The following KIAA0319 variants were observed in gnomAD, a reference collection of about 807,000 sequenced individuals.
The protein encoded by KIAA0319 is KIAA0319.
In KIAA0319, 83 loss-of-function variants were observed where a neutral mutation model predicts 108.4. That is an observed-to-expected ratio of 0.77 (90% CI 0.64 to 0.92). KIAA0319 has a LOEUF of 0.92. KIAA0319 is among the 40% of genes least tolerant of loss of function. The probability of loss-of-function intolerance (pLI) is 0.00; values close to 1 mark genes in which losing one functional copy is unlikely to be tolerated. For synonymous variants in KIAA0319, 484 were observed against 510.4 expected, an observed-to-expected ratio of 0.95 and a Z score of 0.70; for missense variants, 1,195 against 1,322.4, an observed-to-expected ratio of 0.90 and a Z score of 1.49.
Position 24,596,206 on chromosome 6 carries a change from G to A in KIAA0319, c.468C>T (p.Tyr156=), listed in dbSNP as rs1359530556. The change falls in exon 3 of 21, where the codon TAC becomes TAT. Residue 156 remains tyrosine, a synonymous_variant. Transcript: ENST00000378214. ...KDWGLEEMSE[Y]SDDYRELEKD... ...TCTCCAGCTCCCGGTAGTCATCTGA[G>A]TACTCAGACATCTCCTCTAGGCCCC... The A allele has an allele frequency of 1.2e-6, 2 of 1,614,148 alleles. No homozygotes were observed. The highest frequency in any genetic ancestry group is 1.7e-5 in the Admixed American group (1 of 60,026).
chr6:24,572,302 C>A (rs1401588136), intron 11 of KIAA0319, among the ~76,000 whole-genome samples: 1 of 152,194 alleles, frequency 6.6e-6, no homozygotes, highest in Non-Finnish European at 1.5e-5. Flanking sequence ...TCAAGATCCC[C>A]TGGAGCTCTC....
chr6:24,615,786 T>C (rs1484994792), intron 1 of KIAA0319, among the ~76,000 whole-genome samples: 2 of 152,198 alleles, frequency 1.3e-5, no homozygotes, highest in African/African-American at 2.4e-5. Context: ...ATTTCAAACA[T>C]TCTCTTTTGC....
At chr6:24,570,231 T>C (rs1039905098) in intron 11 of KIAA0319, among the ~76,000 whole-genome samples, 196 bp from the exon 12 acceptor site, 1 of 152,218 alleles carries the variant, frequency 6.6e-6, no homozygotes, top group African/African-American at 2.4e-5. Flanking sequence ...AGTTCAAGAC[T>C]GCTGTTATAG....
intron 8 of KIAA0319, among the ~76,000 whole-genome samples, chr6:24,579,131 A>C (rs986136631): frequency 2.0e-5 from 3 of 152,248 alleles, no homozygotes; most frequent in African/African-American, 7.2e-5. Context: ...TTTGTGATTA[A>C]ATGTACATAA....
chr6:24,540,900 C>T (rs896341453), downstream of KIAA0319, among the ~76,000 whole-genome samples: 3 of 151,992 alleles, frequency 2.0e-5, no homozygotes, highest in African/African-American at 7.2e-5. Context: ...ACTGTTAATC[C>T]AGGCCTTATT....
intron 20 of KIAA0319, among the ~76,000 whole-genome samples, chr6:24,548,925 T>C (rs912303279): frequency 6.6e-6 from 1 of 152,118 alleles, no homozygotes; most frequent in Non-Finnish European, 1.5e-5. Context: ...GTCTGAATGT[T>C]TGCACCCCCA....
intron 14 of KIAA0319, among the ~76,000 whole-genome samples, chr6:24,565,739 T>C (rs1375752244): frequency 8.7e-6 from 1 of 114,844 alleles, no homozygotes; most frequent in African/African-American, 3.7e-5. Flanking sequence ...GGCGATAGAG[T>C]GAGACTCCAT....
In KIAA0319 at chr6:24,576,020, C is replaced by CA. The variant is rs892829547; in HGVS notation, c.1734+347dup. ...TCTATAAACAGGAGAAACAGAATAA[C>CA]AAAAAAAATTCTGATAATCAGGTTT... On this transcript the variant is annotated intron_variant, in intron 10 of 20. Transcript: ENST00000378214. Among the ~76,000 whole-genome samples, 3 of 151,896 alleles carry CA rather than the reference C, an allele frequency of 2.0e-5. No individual in the cohort carries two copies. In the East Asian group the frequency reaches 5.8e-4, roughly 29 times the overall value.
intron 1 of KIAA0319, among the ~76,000 whole-genome samples, chr6:24,610,321 C>T (rs1345201991): frequency 3.9e-5 from 6 of 152,068 alleles, no homozygotes; most frequent in South Asian, 2.1e-4. Context: ...TGCTAATAAG[C>T]TCATGAAAAT....
Position 24,547,243 on chromosome 6 carries a change from C to G in KIAA0319, c.3141G>C (p.Glu1047Asp), listed in dbSNP as rs1760750094. The change falls in exon 21 of 21, where the codon GAG (glutamate) becomes GAC (aspartate). Residue 1047 changes from glutamate to aspartate, a missense_variant. Coordinates refer to ENST00000378214, the MANE Select transcript of KIAA0319 (RefSeq NM_014809.4). Reference sequence around the variant, plus strand: ...TCATGGAAACCTTTGGATTCCCTCTCTCCATCTTTTCTCGGCTGAAGATTG... The same window carrying G: ...TCATGGAAACCTTTGGATTCCCTCTGTCCATCTTTTCTCGGCTGAAGATTG... The part of the protein sequence containing the change: ...QDTIFSREKM[E>D]RGNPKVSMNG... 1 of 1,614,054 alleles carries G rather than the reference C, an allele frequency of 6.2e-7. No homozygotes were observed. Among genetic ancestry groups the G allele is most frequent in the African/African-American group, 1.3e-5 (1 of 74,944 alleles).
chr6:24,567,650 A>G (rs1764088188), intron 13 of KIAA0319, among the ~76,000 whole-genome samples: 1 of 152,218 alleles, frequency 6.6e-6, no homozygotes, highest in African/African-American at 2.4e-5. Context: ...GCAATGAGCT[A>G]TGATCACAGC....
At position 24,563,469 on chromosome 6, in the gene KIAA0319, C is replaced by T; in HGVS notation, c.2481G>A (p.Gly827=). Residue 827 remains glycine (G), a synonymous_variant, in exon 16 of 21, where the codon GGG becomes GGA. Transcript: ENST00000378214. The part of the protein sequence containing the change: ...LVELTLQVGV[G]QLTEQRKDTL... ...TGTCCTTCCGCTGCTCTGTCAGCTG[C>T]CCAACACCAACCTGCAGGGTCAGCT... The T allele has an allele frequency of 6.2e-7, 1 of 1,613,290 alleles. No individual in the cohort carries two copies. The highest frequency in any genetic ancestry group is 8.5e-7 in the Non-Finnish European group (1 of 1,179,892).
In KIAA0319 at chr6:24,596,978, C is replaced by CCCAT. The variant is rs531088457; in HGVS notation, c.56-364_56-361dup. ...ATCCATCCATCCATCCATCCACCCT[C>CCCAT]CCATCCATCCATCCATCTTTCTATT... is the stretch of plus-strand genomic sequence containing the variant. On this transcript the variant is annotated intron_variant, in intron 2 of 20. Coordinates refer to ENST00000378214, the MANE Select transcript of KIAA0319 (RefSeq NM_014809.4). Among the ~76,000 whole-genome samples, 7 of 151,880 alleles carry CCCAT rather than the reference C, an allele frequency of 4.6e-5. No homozygotes were observed. In the South Asian group the frequency reaches 6.3e-4, roughly 14 times the overall value.
intron 10 of KIAA0319, among the ~76,000 whole-genome samples, chr6:24,574,301 G>C (rs745678872): frequency 3.6e-4 from 54 of 152,024 alleles, no homozygotes; most frequent in Non-Finnish European, 4.1e-4. Flanking sequence ...GCCAGGTGTA[G>C]TGGTGTGTGC....
intron 1 of KIAA0319, among the ~76,000 whole-genome samples, chr6:24,618,890 G>A (rs1340301762): frequency 6.6e-6 from 1 of 152,172 alleles, no homozygotes; most frequent in Non-Finnish European, 1.5e-5. Flanking sequence ...AAAGCTCAAT[G>A]GATGGGCTAA....
At position 24,599,414 on chromosome 6, in the gene KIAA0319, C is replaced by A. The variant is rs1186694617; in HGVS notation, c.55+1635G>T. On this transcript the variant is annotated intron_variant, in intron 2 of 20. Transcript: ENST00000378214. This position sits in a 1 kb window ranked among gnomAD's most constrained non-coding sequence, Gnocchi z 4.1. ...TTAAGGATGCCAATGCCAAGCTGTC[C>A]AAGCTGGAGGCCACCCTGCAGTGGG... is the stretch of plus-strand genomic sequence containing the variant. 7.3e-6 allele frequency: 4 copies of A among 549,266 alleles called. No individual in the cohort carries two copies. Among genetic ancestry groups the A allele is most frequent in the African/African-American group, 5.6e-5 (3 of 53,290 alleles). 34.0% of individuals were successfully genotyped at this position (549,266 alleles called of 1,614,324 possible).
chr6:24,591,662 G>C (rs889713129), intron 3 of KIAA0319, among the ~76,000 whole-genome samples: 8 of 152,110 alleles, frequency 5.3e-5, no homozygotes, highest in African/African-American at 1.9e-4. Context: ...CACCAGCAGT[G>C]TATGAGAGTT....
At chr6:24,556,578 C>T in intron 18 of KIAA0319, 29 bp downstream of exon 18, 5 of 1,608,314 alleles carry the variant, frequency 3.1e-6, no homozygotes, top group Non-Finnish European at 4.2e-6. Flanking sequence ...AGGCTCCTCA[C>T]CCAAAGCCTC....
At chr6:24,543,732 C>T (rs1048867595), downstream of KIAA0319, among the ~76,000 whole-genome samples, 3 of 152,176 alleles carry the variant, frequency 2.0e-5, no homozygotes, top group African/African-American at 7.2e-5. Context: ...ATGCCCGGCC[C>T]TCATTTTAAA....
Sources: allele counts gnomAD v4.1 joint callset (sites outside exome capture counted in the v4.1 genomes callset), GRCh38; gene constraint gnomAD v4.1.1; non-coding constraint Gnocchi (gnomAD v3.1); transcripts MANE v1.5; gene names NCBI Gene and HGNC (gene_info 2026-07-23, HGNC 2026-07-21).